ANK1: variants seen among roughly 807,000 people sequenced by gnomAD.
ANK1 encodes the protein ankyrin-1.
Under a neutral mutation model 210.4 loss-of-function variants are expected in ANK1, and 51 were observed. The observed-to-expected ratio is 0.24, with a 90% confidence interval of 0.19 to 0.31. The LOEUF is 0.31. ANK1 is among the 10% of genes least tolerant of loss of function. The pLI is 1.00. For missense variants in ANK1, 2,051 were observed against 2,504.4 expected (o/e 0.82, Z 3.86); for synonymous variants, 967 against 1,025.9 (o/e 0.94, Z 1.10).
intron 1 of ANK1, among the ~76,000 whole-genome samples, chr8:41,872,911 T>TC (rs1389518881): frequency 7.9e-5 from 12 of 152,206 alleles, no homozygotes; most frequent in African/African-American, 2.9e-4. Context: ...CAGGTCTCTG[T>TC]TGACAAAGGC....
chr8:41,883,771 T>G (rs1353029151), intron 1 of ANK1, among the ~76,000 whole-genome samples: 1 of 151,938 alleles, frequency 6.6e-6, no homozygotes, highest in Non-Finnish European at 1.5e-5. Flanking sequence ...CCCAGAAGGG[T>G]CTTAAGAGTC....
intron 10 of ANK1, 105 bp downstream of exon 10, chr8:41,719,556 C>T: frequency 6.8e-7 from 1 of 1,470,056 alleles, no homozygotes. Context: ...ATCTGGGGAG[C>T]TCCGGGCACC....
intron 1 of ANK1, among the ~76,000 whole-genome samples, chr8:41,857,829 G>A (rs926192826): frequency 4.0e-5 from 6 of 151,222 alleles, no homozygotes; most frequent in Non-Finnish European, 2.9e-5. Context: ...ACTTGAACCC[G>A]CAAGGTGGAG....
intron 31 of ANK1, among the ~76,000 whole-genome samples, 173 bp downstream of exon 31, chr8:41,692,475 C>T (rs1225605452): frequency 6.6e-6 from 1 of 152,268 alleles, no homozygotes; most frequent in Admixed American, 6.5e-5. Flanking sequence ...TGGCATCTCT[C>T]TCCTTTCCTG....
intron 13 of ANK1, 128 bp downstream of exon 13, chr8:41,716,825 C>T: frequency 1.0e-6 from 1 of 959,436 alleles, no homozygotes. Context: ...TCAGAGTGAC[C>T]TGATCAGGAT....
chr8:41,789,783 C>A (rs775918239), intron 1 of ANK1, among the ~76,000 whole-genome samples: 2 of 152,182 alleles, frequency 1.3e-5, no homozygotes, highest in African/African-American at 4.8e-5. Context: ...ATCTAGAAAG[C>A]GAGGACACTG....
chr8:41,691,973 G>A (rs72638986), intron 31 of ANK1, among the ~76,000 whole-genome samples: 2,957 of 152,068 alleles, frequency 0.019, 43 homozygotes, highest in Non-Finnish European at 0.028. Flanking sequence ...GATTATAGGC[G>A]TGAGCCTCTG....
At chr8:41,750,759 G>A (rs1343321532) in intron 2 of ANK1, among the ~76,000 whole-genome samples, 3 of 152,216 alleles carry the variant, frequency 2.0e-5, no homozygotes, top group Non-Finnish European at 2.9e-5. Flanking sequence ...GGAGAAAAAT[G>A]AGACAGGCAA....
intron 1 of ANK1, among the ~76,000 whole-genome samples, chr8:41,834,584 G>C (rs1468333597): frequency 1.3e-5 from 2 of 152,234 alleles, no homozygotes; most frequent in African/African-American, 4.8e-5. Context: ...AGTTGCACAG[G>C]TGCGGCTGGA....
chr8:41,762,733 A>C (rs1840757332), intron 1 of ANK1, among the ~76,000 whole-genome samples: 2 of 152,228 alleles, frequency 1.3e-5, no homozygotes, highest in African/African-American at 4.8e-5. Context: ...TTCAGTTATT[A>C]GGAAAAACAC....
At position 41,715,154 on chromosome 8, in the gene ANK1, G is replaced by A. The variant is rs878994348; in HGVS notation, c.1603-80C>T. On this transcript the variant is annotated intron_variant, in intron 14 of 42. Transcript: ENST00000289734. ...GAAAGGGCCCACAGCAAAGGAGGCT[G>A]CACCTCCGCTGGCATGGAGAGGCCA... The A allele has an allele frequency of 1.5e-5, 19 of 1,309,964 alleles. No individual in the cohort carries two copies. In the South Asian group the frequency reaches 2.0e-4, roughly 14 times the overall value. 81.1% of individuals were successfully genotyped at this position (1,309,964 alleles called of 1,614,324 possible).
chr8:41,738,414 C>T lies in ANK1; in HGVS notation c.130-4345G>A, dbSNP rs376888212. Reference sequence around the variant, plus strand: ...GCCACAAGTCACCACCATCTAGCAGCGGAAGTTGCTGAACACCTGAAAACG... The same window carrying T: ...GCCACAAGTCACCACCATCTAGCAGTGGAAGTTGCTGAACACCTGAAAACG... On this transcript the variant is annotated intron_variant, in intron 2 of 42. Transcript: ENST00000289734. Among the ~76,000 whole-genome samples the T allele has an allele frequency of 3.9e-5, 6 of 152,246 alleles. 1 individual carries two copies. In the South Asian group the frequency reaches 8.3e-4, roughly 21 times the overall value.
intron 18 of ANK1, among the ~76,000 whole-genome samples, 188 bp downstream of exon 18, chr8:41,705,955 T>TA (rs887308959): frequency 1.3e-5 from 2 of 152,182 alleles, no homozygotes; most frequent in African/African-American, 4.8e-5. Context: ...TAGCAAACTT[T>TA]AAAAAAATCC....
In ANK1 at chr8:41,655,305, C is replaced by CT. The variant is rs5891167; in HGVS notation, c.*484dup. 0.49 allele frequency: 71,228 copies of CT among 145,256 alleles called. 17,359 individuals are homozygous for CT. The highest frequency in any genetic ancestry group is 0.54 in the African/African-American group (20,186 of 37,620). 9.0% of individuals were successfully genotyped at this position (145,256 alleles called of 1,614,324 possible). ...TTAAACTGATTTCATGCCTAGTTTT[C>CT]TTTTTTTTTTTTTTCTTTCCAGGAA... is the stretch of plus-strand genomic sequence containing the variant. On this transcript the variant is annotated 3_prime_UTR_variant, in exon 43 of 43. Coordinates refer to ENST00000289734, the MANE Select transcript of ANK1 (RefSeq NM_000037.4).
intron 1 of ANK1, among the ~76,000 whole-genome samples, chr8:41,863,087 G>A (rs1009889254): frequency 5.3e-5 from 8 of 152,200 alleles, no homozygotes; most frequent in South Asian, 2.1e-4. Flanking sequence ...AGCCGGGCGC[G>A]GTGGCTCATG....
chr8:41,696,051 G>A (rs901817128), intron 26 of ANK1, among the ~76,000 whole-genome samples: 2 of 152,154 alleles, frequency 1.3e-5, no homozygotes, highest in Non-Finnish European at 1.5e-5. Context: ...TTGTTTTTTT[G>A]GTTTTGCTTT....
intron 1 of ANK1, among the ~76,000 whole-genome samples, chr8:41,826,670 T>C (rs1171523134): frequency 6.6e-6 from 1 of 152,216 alleles, no homozygotes; most frequent in Admixed American, 6.5e-5. Flanking sequence ...TCACCCATAA[T>C]CTATCACATC....
intron 2 of ANK1, among the ~76,000 whole-genome samples, chr8:41,742,134 A>G (rs952466492): frequency 6.6e-6 from 1 of 152,256 alleles, no homozygotes. Flanking sequence ...TTCAATGTGG[A>G]GTATTTTCTT....
chr8:41,747,039 C>G (rs982248702), intron 2 of ANK1, among the ~76,000 whole-genome samples: 1 of 151,996 alleles, frequency 6.6e-6, no homozygotes, highest in Non-Finnish European at 1.5e-5. Context: ...TTCCATAATT[C>G]CAAGAATAAG....
Sources: allele counts gnomAD v4.1 joint callset (sites outside exome capture counted in the v4.1 genomes callset), GRCh38; gene constraint gnomAD v4.1.1; transcripts MANE v1.5; gene names NCBI Gene and HGNC (gene_info 2026-07-23, HGNC 2026-07-21).